COL15A1: variants seen among roughly 807,000 people sequenced by gnomAD.
COL15A1 encodes the protein collagen type XV alpha 1 chain, also known as collagen alpha-1(XV) chain.
A neutral mutation model predicts 165.9 loss-of-function variants in COL15A1; 111 were observed. The observed-to-expected ratio is 0.67, with a 90% CI of 0.57 to 0.78. The LOEUF is 0.78. Ranked by LOEUF, COL15A1 falls within the 30% of genes least tolerant of loss-of-function variation. The probability of loss-of-function intolerance (pLI) is 0.00; values close to 1 mark genes in which losing one functional copy is unlikely to be tolerated. For synonymous variants in COL15A1, 659 were observed against 674.8 expected (o/e 0.98, Z 0.36); for missense variants, 1,745 against 1,789.7 (o/e 0.98, Z 0.45).
intron 16 of COL15A1, among the ~76,000 whole-genome samples, chr9:99,029,818 G>A (rs1482368812): frequency 1.3e-5 from 2 of 152,054 alleles, no homozygotes; most frequent in Non-Finnish European, 2.9e-5. Context: ...CCAGCTACTC[G>A]GGAGGCTGAG....
intron 9 of COL15A1, among the ~76,000 whole-genome samples, chr9:99,007,350 A>G (rs1393276948): frequency 6.6e-6 from 1 of 152,102 alleles, no homozygotes; most frequent in Non-Finnish European, 1.5e-5. Flanking sequence ...AGCAATTTCC[A>G]TTTTCATTTT....
intron 2 of COL15A1, among the ~76,000 whole-genome samples, chr9:98,946,342 C>G (rs894401692): frequency 2.0e-5 from 3 of 152,150 alleles, no homozygotes; most frequent in Non-Finnish European, 4.4e-5. Flanking sequence ...TGCTCTTAAC[C>G]ATCCTAGTGT....
chr9:98,965,255 G>T (rs1384583471), intron 2 of COL15A1, among the ~76,000 whole-genome samples: 1 of 152,192 alleles, frequency 6.6e-6, no homozygotes, highest in Non-Finnish European at 1.5e-5. Flanking sequence ...GTTGCCTGTT[G>T]CATAAATTTT....
chr9:98,991,803 A>G (rs1473917367), intron 5 of COL15A1, among the ~76,000 whole-genome samples: 1 of 152,018 alleles, frequency 6.6e-6, no homozygotes, highest in Non-Finnish European at 1.5e-5. Context: ...CTTGAGCTAG[A>G]CACAGAGTGT....
At chr9:98,987,415 C>T (rs757692190) in intron 4 of COL15A1, 47 bp downstream of exon 4, 8 of 1,547,298 alleles carry the variant, frequency 5.2e-6, no homozygotes, top group African/African-American at 1.4e-5. Flanking sequence ...CCCCAGCAGC[C>T]GCAGCCTGGG....
At position 99,063,119 on chromosome 9, in the gene COL15A1, A is replaced by G; in HGVS notation, c.3651+10A>G. On this transcript the variant is annotated intron_variant, in intron 39 of 41. Coordinates refer to ENST00000375001, the MANE Select transcript of COL15A1 (RefSeq NM_001855.5). Reference sequence around the variant, plus strand: ...TTATGAGAAGCCTGCTGTAAGTACAATTTATACATTTAATCTTCAAATACT... The same window carrying G: ...TTATGAGAAGCCTGCTGTAAGTACAGTTTATACATTTAATCTTCAAATACT... The G allele has an allele frequency of 6.3e-7, 1 of 1,580,212 alleles. No individual in the cohort carries two copies. The highest frequency in any genetic ancestry group is 8.6e-7 in the Non-Finnish European group (1 of 1,169,246).
intron 6 of COL15A1, among the ~76,000 whole-genome samples, chr9:99,000,095 T>C (rs907433884): frequency 2.0e-5 from 3 of 152,208 alleles, no homozygotes; most frequent in Non-Finnish European, 4.4e-5. Context: ...GGTCTTGAAC[T>C]CCTGACCTCA....
intron 2 of COL15A1, among the ~76,000 whole-genome samples, chr9:98,983,669 C>T (rs920739765): frequency 6.6e-6 from 1 of 152,168 alleles, no homozygotes; most frequent in Non-Finnish European, 1.5e-5. Flanking sequence ...ATTATCCCTG[C>T]GCATTGACCT....
intron 28 of COL15A1, 143 bp downstream of exon 28, chr9:99,048,143 C>A: frequency 1.4e-6 from 1 of 692,490 alleles, no homozygotes; most frequent in Non-Finnish European, 2.7e-6. Flanking sequence ...GTCCTCCCAC[C>A]CAGCCCTGTC....
In COL15A1 at chr9:99,070,521, T is replaced by A; in HGVS notation, c.*635T>A. The A allele has an allele frequency of 3.1e-6, 1 of 327,436 alleles. No individual in the cohort carries two copies. The highest frequency in any genetic ancestry group is 6.1e-6 in the Non-Finnish European group (1 of 163,240). 20.3% of individuals were successfully genotyped at this position (327,436 alleles called of 1,614,324 possible). On this transcript the variant is annotated 3_prime_UTR_variant, in exon 42 of 42. Transcript: ENST00000375001. Reference sequence around the variant, plus strand: ...TGGTGTCTGTTTATGTAACTCTGACTTGCTGGAAAAGTTGAAACTCCAAAT... The same window carrying A: ...TGGTGTCTGTTTATGTAACTCTGACATGCTGGAAAAGTTGAAACTCCAAAT...
intron 15 of COL15A1, 37 bp downstream of exon 15, chr9:99,025,036 G>C (rs1370401165): frequency 8.7e-6 from 14 of 1,600,568 alleles, no homozygotes; most frequent in Non-Finnish European, 1.2e-5. Flanking sequence ...CTCTGTGGCT[G>C]TGGGGCTTCC....
intron 5 of COL15A1, among the ~76,000 whole-genome samples, chr9:98,996,323 G>A (rs1052418924): frequency 6.6e-6 from 1 of 152,188 alleles, no homozygotes; most frequent in Non-Finnish European, 1.5e-5. Flanking sequence ...GTCCAGGGGT[G>A]ATGCTGTGAC....
At chr9:99,005,490 A>G (rs1173234133) in intron 9 of COL15A1, among the ~76,000 whole-genome samples, 1 of 152,098 alleles carries the variant, frequency 6.6e-6, no homozygotes, top group East Asian at 1.9e-4. Flanking sequence ...AGGGCACATC[A>G]TCCCAAGGCA....
intron 9 of COL15A1, among the ~76,000 whole-genome samples, chr9:99,010,266 G>A (rs1838829665): frequency 6.6e-6 from 1 of 152,190 alleles, no homozygotes; most frequent in Non-Finnish European, 1.5e-5. Context: ...ATACAGAAAT[G>A]TAGAGCACCT....
chr9:99,024,375 G>T (rs373141529), intron 14 of COL15A1, among the ~76,000 whole-genome samples: 1 of 148,314 alleles, frequency 6.7e-6, no homozygotes, highest in Admixed American at 6.8e-5. Context: ...CCACCTCCCA[G>T]GTTTACTTAC....
At chr9:98,964,562 T>G (rs2118814140) in intron 2 of COL15A1, among the ~76,000 whole-genome samples, 1 of 152,300 alleles carries the variant, frequency 6.6e-6, no homozygotes, top group South Asian at 2.1e-4. Flanking sequence ...TGGTTATTTC[T>G]TTTCCCCTAC....
At position 99,016,062 on chromosome 9, in the gene COL15A1, C is replaced by T; in HGVS notation, c.1590C>T (p.Pro530=). The change falls in exon 11 of 42, where the codon CCC becomes CCT. Residue 530 remains proline, a synonymous_variant. Transcript: ENST00000375001. ...TAGGEESGSP[P]PDGPPLPLPT... ...GGGGTGAAGAGTCCGGCAGCCCTCC[C>T]CCTGATGGGCCACCGCTGCCCCTGC... The T allele has an allele frequency of 6.2e-7, 1 of 1,614,078 alleles. No individual in the cohort carries two copies. Among genetic ancestry groups the T allele is most frequent in the Non-Finnish European group, 8.5e-7 (1 of 1,179,986 alleles).
At chr9:99,037,156 C>T (rs529954144) in intron 21 of COL15A1, among the ~76,000 whole-genome samples, 4 of 152,332 alleles carry the variant, frequency 2.6e-5, no homozygotes, top group Middle Eastern at 3.4e-3. Flanking sequence ...CCCAACTCTC[C>T]TCAACAAGGA....
chr9:98,951,686 T>A (rs1200757236), intron 2 of COL15A1, among the ~76,000 whole-genome samples: 1 of 152,212 alleles, frequency 6.6e-6, no homozygotes, highest in African/African-American at 2.4e-5. Context: ...TTCCTCAGCC[T>A]CCTGAGTAGC....
Sources: gnomAD v4.1 joint callset for allele counts (sites outside exome capture counted in the v4.1 genomes callset) on GRCh38, gnomAD v4.1.1 for gene constraint, MANE v1.5 for transcripts, NCBI Gene and HGNC (gene_info 2026-07-23, HGNC 2026-07-21) for gene names.